POLR2F: variants seen among roughly 807,000 people sequenced by gnomAD.
POLR2F encodes the protein RNA polymerase II, I and III subunit F, also known as DNA-directed RNA polymerases I, II, and III subunit RPABC2.
In POLR2F, 12 loss-of-function variants were observed where a neutral mutation model predicts 22.7. The ratio of observed to expected loss-of-function variants is 0.53; its 90% CI spans 0.34 to 0.86. The LOEUF is 0.86. Ranked by LOEUF, POLR2F falls within the 40% of genes least tolerant of loss-of-function variation. POLR2F has a pLI of 0.02. For synonymous variants in POLR2F, 57 were observed against 66.0 expected (o/e 0.86, Z 0.66); for missense variants, 126 against 171.5 (o/e 0.73, Z 1.48).
intron 1 of POLR2F, among the ~76,000 whole-genome samples, chr22:38,020,620 T>TATAC (rs1000657802): frequency 2.3e-4 from 35 of 152,010 alleles, no homozygotes; most frequent in Admixed American, 5.2e-4. Flanking sequence ...TGCACACCTG[T>TATAC]AGTCCCAGCT....
At chr22:38,041,304 A>G, downstream of POLR2F, 1 of 705,662 alleles carries the variant, frequency 1.4e-6, no homozygotes, top group Non-Finnish European at 2.4e-6. Flanking sequence ...GGCCCAGGTG[A>G]CCAGGTGGAA....
chr22:37,968,074 A>T lies in POLR2F; in HGVS notation c.*359A>T. 9.9e-7 allele frequency: 1 copy of T among 1,006,296 alleles called. No homozygotes were observed. Among genetic ancestry groups the T allele is most frequent in the Non-Finnish European group, 1.2e-6 (1 of 842,896 alleles). The allele number at this position is 1,006,296 out of a possible 1,614,324, so 62.3% of individuals were successfully genotyped here. A position where few individuals can be genotyped will look rare whatever the true frequency, so the allele number is the denominator to read the frequency against. ...GGAGCTGGTTGCCACGGAAACCCCC[A>T]ATTTCCTTTCCAGTGGGGACTGGCT... On this transcript the variant is annotated 3_prime_UTR_variant, in exon 5 of 5. Transcript: ENST00000442738.
At chr22:38,000,655 A>AAGCCAACACCATTGAGGAGGGGC (rs2084760892) in intron 1 of POLR2F, among the ~76,000 whole-genome samples, 1 of 152,182 alleles carries the variant, frequency 6.6e-6, no homozygotes, top group African/African-American at 2.4e-5. Flanking sequence ...CCAGAGGAAT[A>AAGCCAACACCATTGAGGAGGGGC]AGCCAACACC....
intron 1 of POLR2F, among the ~76,000 whole-genome samples, chr22:37,994,738 C>G (rs939780648): frequency 6.6e-6 from 1 of 152,176 alleles, no homozygotes; most frequent in Non-Finnish European, 1.5e-5. Flanking sequence ...GAGCTCCTGA[C>G]CTGGTGATCC....
At chr22:37,973,493 C>G, downstream of POLR2F, 1 of 1,578,412 alleles carries the variant, frequency 6.3e-7, no homozygotes, top group Non-Finnish European at 8.6e-7. Flanking sequence ...ACAGGGCCCC[C>G]TTTAGGGCCG....
At chr22:38,037,014 C>T (rs1002728285) in intron 5 of POLR2F, among the ~76,000 whole-genome samples, 1 of 152,204 alleles carries the variant, frequency 6.6e-6, no homozygotes, top group African/African-American at 2.4e-5. Flanking sequence ...TCTCTCTTCA[C>T]GTTTACCCTG....
Position 37,986,612 on chromosome 22 carries a change from C to G in POLR2F, c.120+300C>G, listed in dbSNP as rs761439431. The G allele has an allele frequency of 2.9e-6, 2 of 681,822 alleles. No individual in the cohort carries two copies. The highest frequency in any genetic ancestry group is 2.9e-5 in the East Asian group (1 of 34,300). The allele number at this position is 681,822 out of a possible 1,614,324, so 42.2% of individuals were successfully genotyped here. On this transcript the variant is annotated intron_variant, in intron 1 of 2. Coordinates refer to the POLR2F transcript ENST00000333418. This position sits in a 1 kb window ranked among gnomAD's most constrained non-coding sequence, Gnocchi z 4.7. ...AGACAGAAGGGGCCACTCCCTCTCT[C>G]TCTCCCTTGTCCCCGCACAGACACT...
intron 1 of POLR2F, among the ~76,000 whole-genome samples, chr22:37,955,538 C>A (rs868142820): frequency 5.2e-3 from 692 of 132,936 alleles, no homozygotes; most frequent in Middle Eastern, 0.012. Flanking sequence ...GACTTTGTCT[C>A]AAAAAAAAAA....
chr22:38,033,722 C>A lies in POLR2F; in HGVS notation c.453-7346C>A, dbSNP rs528486058. Among the ~76,000 whole-genome samples, 9 of 152,264 alleles carry A rather than the reference C, an allele frequency of 5.9e-5. No homozygotes were observed. The South Asian group carries it at 1.9e-3, about 32-fold the overall frequency. ...TGTTTTCCAAGAGCGGTGGCAGGAT[C>A]CTGAGGGGAGGGGTGGATGTGGGGA... On this transcript the variant is annotated intron_variant, in intron 5 of 5. Transcript: ENST00000407936.
upstream of POLR2F, among the ~76,000 whole-genome samples, chr22:37,984,860 C>T (rs113408736): frequency 0.018 from 2,718 of 152,234 alleles, 82 homozygotes; most frequent in African/African-American, 0.062. This position sits in a 1 kb window ranked among gnomAD's most constrained non-coding sequence, Gnocchi z 4.4. Flanking sequence ...AACCAGGACT[C>T]CTAACGTCTG....
In POLR2F at chr22:37,997,525, A is replaced by C. The variant is rs901964485; in HGVS notation, c.120+11213A>C. Among the ~76,000 whole-genome samples the C allele has an allele frequency of 6.6e-6, 1 of 151,602 alleles. No individual in the cohort carries two copies. Among genetic ancestry groups the C allele is most frequent in the Non-Finnish European group, 1.5e-5 (1 of 67,896 alleles). On this transcript the variant is annotated intron_variant, in intron 1 of 2. Coordinates refer to the POLR2F transcript ENST00000333418. The surrounding 1 kb of genome is among the most constrained non-coding windows in gnomAD (Gnocchi z 4.4). The stretch of plus-strand genomic sequence containing the variant: ...CTGTCTCTGTCCTGTGCCACCTCTC[A>C]TCTGCCCTGCCTCTGTAAATGTGGG...
chr22:37,992,217 C>T (rs1932741516), intron 1 of POLR2F, among the ~76,000 whole-genome samples: 1 of 152,174 alleles, frequency 6.6e-6, no homozygotes, highest in African/African-American at 2.4e-5. Flanking sequence ...TGAGTCTCAG[C>T]TTCCTTCCAG....
intron 1 of POLR2F, among the ~76,000 whole-genome samples, chr22:38,012,568 C>T (rs1384881839): frequency 6.6e-6 from 1 of 151,984 alleles, no homozygotes; most frequent in Non-Finnish European, 1.5e-5. Context: ...ATTCAGATTT[C>T]CTCAGTTTTC....
chr22:37,982,071 C>T (rs529214977), upstream of POLR2F, among the ~76,000 whole-genome samples: 1 of 152,308 alleles, frequency 6.6e-6, no homozygotes, highest in Non-Finnish European at 1.5e-5. Context: ...GAGCCGGGCT[C>T]CTCTGACAAA....
In POLR2F at chr22:37,967,206, C is replaced by G. The variant is rs1256826397; in HGVS notation, c.293+36C>G. 8 of 1,604,344 alleles carry G rather than the reference C, an allele frequency of 5.0e-6. No homozygotes were observed. The South Asian group carries it at 7.7e-5, about 15-fold the overall frequency. On this transcript the variant is annotated intron_variant, in intron 4 of 4. Transcript: ENST00000442738. ...CAAATCATGGTTCACTTCTCCAAAT[C>G]TCTGGGAGGCATCTGTTGGGCTCTC... is the stretch of plus-strand genomic sequence containing the variant.
At chr22:38,028,435 G>A (rs970089705), downstream of POLR2F, among the ~76,000 whole-genome samples, 19 of 152,122 alleles carry the variant, frequency 1.2e-4, no homozygotes, top group Non-Finnish European at 2.8e-4. Flanking sequence ...TCAGTGCAGG[G>A]TGACTGATAC....
At chr22:38,025,285 C>T (rs2084996794) in intron 1 of POLR2F, among the ~76,000 whole-genome samples, 1 of 152,164 alleles carries the variant, frequency 6.6e-6, no homozygotes, top group African/African-American at 2.4e-5. Context: ...AACACACAAA[C>T]ACACACAGAT....
chr22:37,967,334 G>A (rs1417999985), intron 4 of POLR2F, 164 bp downstream of exon 4: 6 of 1,478,494 alleles, frequency 4.1e-6, no homozygotes, highest in Non-Finnish European at 4.5e-6. Context: ...GAGAGAAGAG[G>A]AGGCAGGGAA....
chr22:37,960,908 G>C (rs1477048224), intron 3 of POLR2F, among the ~76,000 whole-genome samples: 4 of 150,242 alleles, frequency 2.7e-5, no homozygotes, highest in Non-Finnish European at 5.9e-5. Flanking sequence ...GAGTGCCGTG[G>C]CGTGATCTCG....
Sources: allele counts gnomAD v4.1 joint callset (sites outside exome capture counted in the v4.1 genomes callset), GRCh38; gene constraint gnomAD v4.1.1; non-coding constraint Gnocchi (gnomAD v3.1); transcripts MANE v1.5; gene names NCBI Gene and HGNC (gene_info 2026-07-23, HGNC 2026-07-21).